The following ZFAT variants were observed in gnomAD, a reference collection of about 807,000 sequenced individuals.
ZFAT encodes zinc finger and AT-hook domain containing, also known as zinc finger protein ZFAT.
In ZFAT, 64 loss-of-function variants were observed where a neutral mutation model predicts 117.7. The observed-to-expected ratio is 0.54, with a 90% confidence interval of 0.44 to 0.67. The LOEUF is 0.67. Ranked by LOEUF, ZFAT falls within the 30% of genes least tolerant of loss-of-function variation. The pLI, the probability that ZFAT is intolerant of heterozygous loss-of-function variation, is 0.00. For synonymous variants in ZFAT, 679 were observed against 615.0 expected (o/e 1.10, Z -1.54); for missense variants, 1,433 against 1,584.5 (o/e 0.90, Z 1.62).
At chr8:134,577,386 T>C (rs918885991) in intron 10 of ZFAT, among the ~76,000 whole-genome samples, 1 of 152,220 alleles carries the variant, frequency 6.6e-6, no homozygotes, top group Admixed American at 6.5e-5. Flanking sequence ...GAAAGGGTAA[T>C]TGTAATTATT....
intron 15 of ZFAT, among the ~76,000 whole-genome samples, chr8:134,496,097 T>C (rs747405995): frequency 1.1e-4 from 16 of 152,192 alleles, no homozygotes; most frequent in Non-Finnish European, 2.2e-4. Context: ...AGCTATGCTG[T>C]TTCCATGATC....
chr8:134,565,433 C>T lies in ZFAT; in HGVS notation c.2888-12G>A, dbSNP rs376853051. ...CTTAAACTGCTTCCCTGGAAAGAAG[C>T]GGAGGACAAGATGAGCGTCGCCAGG... On this transcript the variant is annotated splice_polypyrimidine_tract_variant and intron_variant, in intron 10 of 15. Coordinates refer to ENST00000377838, the MANE Select transcript of ZFAT (RefSeq NM_020863.4). 9 of 1,610,994 alleles carry T rather than the reference C, an allele frequency of 5.6e-6. No homozygotes were observed. Among genetic ancestry groups the T allele is most frequent in the African/African-American group, 4.0e-5 (3 of 74,710 alleles).
chr8:134,782,189 G>C, the ZFAT span, among the ~76,000 whole-genome samples: 1 of 152,224 alleles, frequency 6.6e-6, no homozygotes, highest in Non-Finnish European at 1.5e-5. Context: ...AAAAGAGGTA[G>C]CTGTGCATTC....
chr8:134,541,102 T>C (rs1384411621), intron 11 of ZFAT, among the ~76,000 whole-genome samples: 1 of 152,158 alleles, frequency 6.6e-6, no homozygotes, highest in Non-Finnish European at 1.5e-5. Context: ...TTAAGGGAAA[T>C]CTTGGACTTC....
At chr8:134,590,470 T>C (rs1563640796) in intron 7 of ZFAT, 115 bp from the exon 8 acceptor site, 1 of 727,110 alleles carries the variant, frequency 1.4e-6, no homozygotes, top group Non-Finnish European at 2.3e-6. Flanking sequence ...CCACTCACGC[T>C]ATCAACAGTC....
At chr8:134,494,933 A>T (rs1202351440) in intron 15 of ZFAT, among the ~76,000 whole-genome samples, 2 of 152,138 alleles carry the variant, frequency 1.3e-5, no homozygotes, top group Non-Finnish European at 2.9e-5. Context: ...AACCCCAGAA[A>T]GACACCAGCT....
intron 11 of ZFAT, among the ~76,000 whole-genome samples, chr8:134,539,384 T>C (rs1415087491): frequency 2.0e-5 from 3 of 152,294 alleles, no homozygotes; most frequent in Admixed American, 2.0e-4. Context: ...TGCAACCAAG[T>C]ATGGTATTAA....
intron 9 of ZFAT, among the ~76,000 whole-genome samples, chr8:134,585,436 T>G (rs907094289): frequency 6.6e-6 from 1 of 152,218 alleles, no homozygotes; most frequent in Non-Finnish European, 1.5e-5. Context: ...TTTGACCTGG[T>G]GTTTTTCTAA....
At chr8:134,697,672 A>G (rs1833903969) in intron 1 of ZFAT, among the ~76,000 whole-genome samples, 1 of 150,938 alleles carries the variant, frequency 6.6e-6, no homozygotes, top group East Asian at 2.0e-4. Context: ...GCTTGCAGTG[A>G]GCCGAGATCG....
At chr8:134,533,229 T>C (rs1375953750) in intron 11 of ZFAT, among the ~76,000 whole-genome samples, 1 of 152,226 alleles carries the variant, frequency 6.6e-6, no homozygotes, top group Non-Finnish European at 1.5e-5. Flanking sequence ...TTACTTCTTT[T>C]CTTTTTTCAT....
chr8:134,748,153 T>TCCC, the ZFAT span, among the ~76,000 whole-genome samples: 1 of 152,256 alleles, frequency 6.6e-6, no homozygotes, highest in East Asian at 1.9e-4. Context: ...CAAGCAATCA[T>TCCC]CCCCCAGGCC....
intron 1 of ZFAT, among the ~76,000 whole-genome samples, chr8:134,700,963 T>G (rs949758427): frequency 6.6e-6 from 1 of 152,142 alleles, no homozygotes; most frequent in Non-Finnish European, 1.5e-5. Flanking sequence ...AAGCTTCCGG[T>G]GCCTCTTCAG....
intron 11 of ZFAT, among the ~76,000 whole-genome samples, chr8:134,561,738 T>C (rs1347282498): frequency 6.6e-6 from 1 of 152,202 alleles, no homozygotes; most frequent in Non-Finnish European, 1.5e-5. Flanking sequence ...TGTGTGAGGA[T>C]GTTGAGCTCT....
At chr8:134,804,874 C>T in the ZFAT span, 3 of 534,168 alleles carry the variant, frequency 5.6e-6, no homozygotes, top group East Asian at 5.5e-5. Context: ...TGTGAATAGC[C>T]GGTAGCAGCA....
the ZFAT span, among the ~76,000 whole-genome samples, chr8:134,790,971 T>G: frequency 1.3e-5 from 2 of 152,176 alleles, no homozygotes; most frequent in Non-Finnish European, 2.9e-5. Flanking sequence ...GCCATGATCA[T>G]GCCATGCGAT....
chr8:134,795,519 A>T, the ZFAT span: 2 of 152,216 alleles, frequency 1.3e-5, no homozygotes, highest in Non-Finnish European at 2.9e-5. Context: ...GTGAAAACTC[A>T]AAGAGCCGAT....
intron 3 of ZFAT, among the ~76,000 whole-genome samples, chr8:134,634,689 T>C (rs762550017): frequency 6.6e-6 from 1 of 152,188 alleles, no homozygotes; most frequent in African/African-American, 2.4e-5. Flanking sequence ...CCCTGGTTGG[T>C]ACAAAAAACA....
chr8:134,612,336 G>T (rs943318379), intron 3 of ZFAT, among the ~76,000 whole-genome samples: 1 of 152,218 alleles, frequency 6.6e-6, no homozygotes, highest in South Asian at 2.1e-4. Flanking sequence ...AGGAACAGGA[G>T]AAACCAAAGG....
the ZFAT span, among the ~76,000 whole-genome samples, chr8:134,789,796 G>C: frequency 1.3e-5 from 2 of 152,156 alleles, no homozygotes; most frequent in East Asian, 1.9e-4. Context: ...TATCATTCCT[G>C]ATGTCTTTGG....
Sources: allele counts gnomAD v4.1 joint callset (sites outside exome capture counted in the v4.1 genomes callset), GRCh38; gene constraint gnomAD v4.1.1; transcripts MANE v1.5; gene names NCBI Gene and HGNC (gene_info 2026-07-23, HGNC 2026-07-21).